KCNN2: variants seen among roughly 807,000 people sequenced by gnomAD.
KCNN2 encodes potassium calcium-activated channel subfamily N member 2.
In KCNN2, 24 loss-of-function variants were observed where a neutral mutation model predicts 55.5. That is an observed-to-expected ratio of 0.43 (90% CI 0.31 to 0.61). The LOEUF is 0.61. KCNN2 is among the 20% of genes least tolerant of loss of function. The pLI is 0.08. For synonymous variants in KCNN2, 431 were observed against 336.1 expected, an observed-to-expected ratio of 1.28 and a Z score of -3.09; for missense variants, 754 against 853.6, an observed-to-expected ratio of 0.88 and a Z score of 1.45.
chr5:114,209,291 C>T (rs1037846804), intron 1 of KCNN2, among the ~76,000 whole-genome samples: 1 of 152,018 alleles, frequency 6.6e-6, no homozygotes, highest in East Asian at 1.9e-4. Flanking sequence ...TTTGCTTCTT[C>T]CTCATGTCTC....
At chr5:114,322,640 G>A (rs1756635286) in intron 2 of KCNN2, among the ~76,000 whole-genome samples, 1 of 151,796 alleles carries the variant, frequency 6.6e-6, no homozygotes, top group Non-Finnish European at 1.5e-5. Context: ...GAGTAACAGA[G>A]TATTTTAATT....
At chr5:114,109,474 T>A (rs892580005) in intron 1 of KCNN2, among the ~76,000 whole-genome samples, 1 of 152,060 alleles carries the variant, frequency 6.6e-6, no homozygotes, top group Non-Finnish European at 1.5e-5. Context: ...GTAGGGATAA[T>A]TGGGGCCATC....
At chr5:114,089,210 G>A (rs1236605388) in intron 1 of KCNN2, among the ~76,000 whole-genome samples, 1 of 152,144 alleles carries the variant, frequency 6.6e-6, no homozygotes, top group Non-Finnish European at 1.5e-5. Context: ...TTTAAAAATA[G>A]TTGAATTTTG....
At chr5:114,213,264 TG>T (rs1232689313) in intron 1 of KCNN2, among the ~76,000 whole-genome samples, 4 of 152,060 alleles carry the variant, frequency 2.6e-5, no homozygotes, top group Non-Finnish European at 5.9e-5. Context: ...CATGAGTTTT[TG>T]TTTAATTTAT....
At chr5:114,266,530 G>C (rs759817231) in intron 2 of KCNN2, among the ~76,000 whole-genome samples, 1 of 152,096 alleles carries the variant, frequency 6.6e-6, no homozygotes, top group Non-Finnish European at 1.5e-5. Context: ...TTGTTAGAAG[G>C]TTATCTGTTA....
chr5:114,284,860 G>T (rs931495765), intron 2 of KCNN2, among the ~76,000 whole-genome samples: 4 of 151,978 alleles, frequency 2.6e-5, no homozygotes, highest in Middle Eastern at 3.2e-3. Flanking sequence ...ACCACTGTAC[G>T]GGTGAAATCT....
intron 1 of KCNN2, among the ~76,000 whole-genome samples, chr5:114,066,541 C>T (rs1216983237): frequency 1.3e-5 from 2 of 152,192 alleles, no homozygotes; most frequent in Non-Finnish European, 2.9e-5. Flanking sequence ...AGGGGCTCAC[C>T]AGCTTCCAGC....
At chr5:114,231,337 T>A (rs1754353690) in intron 2 of KCNN2, among the ~76,000 whole-genome samples, 2 of 121,702 alleles carry the variant, frequency 1.6e-5, no homozygotes, top group African/African-American at 7.0e-5. Flanking sequence ...GCTTTTGGTG[T>A]TTTGGACATG....
intron 1 of KCNN2, among the ~76,000 whole-genome samples, chr5:114,142,135 A>G (rs1027756042): frequency 6.6e-5 from 10 of 152,146 alleles, no homozygotes; most frequent in African/African-American, 2.2e-4. Flanking sequence ...GTTTAGTTTA[A>G]TGAGATCCCA....
chr5:114,290,842 G>C (rs1230374464), intron 2 of KCNN2, among the ~76,000 whole-genome samples: 4 of 152,018 alleles, frequency 2.6e-5, no homozygotes, highest in African/African-American at 9.6e-5. Flanking sequence ...TTCTTTTCTA[G>C]CATATTGATT....
intron 2 of KCNN2, among the ~76,000 whole-genome samples, chr5:114,227,267 T>C (rs534467569): frequency 6.6e-6 from 1 of 152,322 alleles, no homozygotes; most frequent in Non-Finnish European, 1.5e-5. Flanking sequence ...AGTGTTTTCC[T>C]ATCTACTTAC....
At chr5:114,147,190 G>A (rs563435157) in intron 1 of KCNN2, among the ~76,000 whole-genome samples, 3 of 152,264 alleles carry the variant, frequency 2.0e-5, no homozygotes, top group South Asian at 4.1e-4. Flanking sequence ...GCCTCTAGTG[G>A]TGATGAACGA....
chr5:114,083,330 G>T (rs4705619), intron 1 of KCNN2, among the ~76,000 whole-genome samples: 21,908 of 151,766 alleles, frequency 0.14, 1,780 homozygotes, highest in South Asian at 0.28. Flanking sequence ...TAAGATAGAA[G>T]CTTAGATAAT....
chr5:114,085,397 T>A (rs1211003458), intron 1 of KCNN2, among the ~76,000 whole-genome samples: 2 of 152,002 alleles, frequency 1.3e-5, no homozygotes, highest in Admixed American at 6.6e-5. Flanking sequence ...TCCATATAGA[T>A]CCTTTACATA....
At chr5:114,210,032 G>A (rs771026719) in intron 1 of KCNN2, among the ~76,000 whole-genome samples, 2 of 152,108 alleles carry the variant, frequency 1.3e-5, no homozygotes, top group South Asian at 2.1e-4. Context: ...GGTCAAACAA[G>A]GTGAGGTTTT....
chr5:114,166,626 G>A (rs1752918494), intron 1 of KCNN2, among the ~76,000 whole-genome samples: 1 of 152,134 alleles, frequency 6.6e-6, no homozygotes, highest in Non-Finnish European at 1.5e-5. Flanking sequence ...TCTCTTGGGA[G>A]GCTTTCTTCT....
In KCNN2 at chr5:114,362,253, C is replaced by T. The variant is rs748746319; in HGVS notation, c.114C>T (p.Cys38=). The T allele has an allele frequency of 1.2e-5, 2 of 171,592 alleles. No homozygotes were observed. Among genetic ancestry groups the T allele is most frequent in the Admixed American group, 6.5e-5 (1 of 15,446 alleles). 10.6% of individuals were successfully genotyped at this position (171,592 alleles called of 1,614,324 possible). The change falls in exon 1 of 8, where the codon TGC becomes TGT. Residue 38 remains cysteine (C), a synonymous_variant. Coordinates refer to ENST00000673685, the MANE Select transcript of KCNN2 (RefSeq NM_021614.4). ...AGCAACAGAGCCAGGACAAGCCGTG[C>T]CCGCCCTTCGCGCCCCTCCCGCACC... The part of the protein sequence containing the change: ...QQQQQSQDKP[C]PPFAPLPHPH...
At chr5:114,123,616 G>T (rs550274992) in intron 1 of KCNN2, among the ~76,000 whole-genome samples, 2 of 63,940 alleles carry the variant, frequency 3.1e-5, no homozygotes, top group South Asian at 6.8e-4. Context: ...GCCCGCCTCG[G>T]CCTCCCAAAG....
chr5:114,146,417 G>T (rs1337338881), intron 1 of KCNN2, among the ~76,000 whole-genome samples: 1 of 152,108 alleles, frequency 6.6e-6, no homozygotes, highest in Non-Finnish European at 1.5e-5. Flanking sequence ...ATTTTTAAAA[G>T]CTTTACTGCA....
Sources: allele counts gnomAD v4.1 joint callset (sites outside exome capture counted in the v4.1 genomes callset), GRCh38; gene constraint gnomAD v4.1.1; transcripts MANE v1.5; gene names NCBI Gene and HGNC (gene_info 2026-07-23, HGNC 2026-07-21).